Variants in PKHD1L1 observed in about 807,000 individuals in gnomAD.
The protein encoded by PKHD1L1 is PKHD1 like 1, also known as fibrocystin-L.
In PKHD1L1, 434 loss-of-function variants were observed where a neutral mutation model predicts 462.9. That is an observed-to-expected ratio of 0.94 (90% CI 0.87 to 1.02). PKHD1L1 has a LOEUF of 1.02. PKHD1L1 is among the 50% of genes least tolerant of loss of function. The pLI is 0.00. For synonymous variants in PKHD1L1, 1,781 were observed against 1,750.0 expected, an observed-to-expected ratio of 1.02 and a Z score of -0.44; for missense variants, 5,202 against 5,096.1, an observed-to-expected ratio of 1.02 and a Z score of -0.63.
At chr8:109,511,834 C>G (rs1820003919) in intron 71 of PKHD1L1, among the ~76,000 whole-genome samples, 2 of 152,260 alleles carry the variant, frequency 1.3e-5, no homozygotes, top group South Asian at 4.1e-4. Flanking sequence ...GTTCCTATTT[C>G]TCCACAACCT....
chr8:109,414,994 TA>T (rs1563751478), intron 21 of PKHD1L1, among the ~76,000 whole-genome samples: 17 of 147,532 alleles, frequency 1.2e-4, no homozygotes, highest in African/African-American at 3.7e-4. Context: ...TTATTATTAT[TA>T]TTATTATTAT....
Position 109,526,811 on chromosome 8 carries a change from TG to T in PKHD1L1, c.12514del (p.Asp4172IlefsTer6), listed in dbSNP as rs1309564524. 6.4e-7 allele frequency: 1 copy of T among 1,557,650 alleles called. No homozygotes were observed. The highest frequency in any genetic ancestry group is 2.4e-5 in the East Asian group (1 of 41,564). ...AAAAATTATAAGATTGAATTTATAC[TG>T]GATAATGTTGTTGGGGTAGAATCCA... ...TGKNYKIEFI[L>X]DNVVGVESRT... On this transcript the variant is annotated frameshift_variant, in exon 77 of 78. Transcript: ENST00000378402. LOFTEE classifies it high-confidence loss of function.
In PKHD1L1 at chr8:109,522,835, C is replaced by CACAGCCAGG. The variant is rs1268999068; in HGVS notation, c.12283_12291dup (p.Gly4095_Pro4097dup). The CACAGCCAGG allele has an allele frequency of 1.2e-6, 2 of 1,612,108 alleles. No homozygotes were observed. Among genetic ancestry groups the CACAGCCAGG allele is most frequent in the South Asian group, 2.2e-5 (2 of 90,790 alleles). On this transcript the variant is annotated inframe_insertion, in exon 75 of 78. Transcript: ENST00000378402. ...TTAGTGATCACTCAGCCGGTGGCAG[C>CACAGCCAGG]ACAGCCAGGACAGCCATTTCCTCAG...
chr8:109,439,051 T>G lies in PKHD1L1; in HGVS notation c.3915T>G (p.Asp1305Glu). ...LLPKLSPGKH[D>E]IYVEVRNWGF... ...CCAAGTTGTCTCCTGGAAAACATGA[T>G]ATCTATGTAGAAGTCAGAAACTGGG... Residue 1305 changes from aspartate to glutamate, a missense_variant, in exon 32 of 78, where the codon GAT (aspartate) becomes GAG (glutamate). By Grantham distance (45) the Asp-to-Glu change is conservative (BLOSUM62 2). Transcript: ENST00000378402. 1 of 1,613,524 alleles carries G rather than the reference T, an allele frequency of 6.2e-7. No individual in the cohort carries two copies. Among genetic ancestry groups the G allele is most frequent in the Admixed American group, 1.7e-5 (1 of 59,974 alleles).
intron 48 of PKHD1L1, among the ~76,000 whole-genome samples, chr8:109,463,842 C>A (rs1182514106): frequency 6.6e-6 from 1 of 152,126 alleles, no homozygotes; most frequent in Non-Finnish European, 1.5e-5. Flanking sequence ...ACACCTGGCA[C>A]ACATAAAACA....
chr8:109,422,998 T>A (rs1814551958), intron 23 of PKHD1L1, among the ~76,000 whole-genome samples: 2 of 152,208 alleles, frequency 1.3e-5, no homozygotes, highest in Admixed American at 6.5e-5. Flanking sequence ...TGAACTTATT[T>A]GCCACCTACA....
rs201346176 is a variant in PKHD1L1, at chr8:109,448,359, C to A, written c.5993C>A (p.Pro1998Gln). 6.2e-7 allele frequency: 1 copy of A among 1,612,360 alleles called. No individual in the cohort carries two copies. The highest frequency in any genetic ancestry group is 8.5e-7 in the Non-Finnish European group (1 of 1,179,110). Reference sequence around the variant, plus strand: ...ATGTCCACAGTTGTATTTGAGTACCCGCTTAATATTCAAAATATTAATCCA... The same window carrying A: ...ATGTCCACAGTTGTATTTGAGTACCAGCTTAATATTCAAAATATTAATCCA... The part of the protein sequence containing the change: ...SAMSTVVFEY[P>Q]LNIQNINPSQ... The change falls in exon 39 of 78, where the codon CCG becomes CAG. Residue 1998 changes from proline to glutamine, a missense_variant. By Grantham distance (76) the Pro-to-Gln change is moderately conservative. Coordinates refer to ENST00000378402, the MANE Select transcript of PKHD1L1 (RefSeq NM_177531.6).
In PKHD1L1 at chr8:109,466,470, T is replaced by C. The variant is rs2130838595; in HGVS notation, c.8414-108T>C. The C allele has an allele frequency of 3.5e-6, 4 of 1,152,958 alleles. No individual in the cohort carries two copies. The South Asian group carries it at 7.6e-5, about 22-fold the overall frequency. 71.4% of individuals were successfully genotyped at this position (1,152,958 alleles called of 1,614,324 possible). The stretch of plus-strand genomic sequence containing the variant: ...AGCAAACAAACAAAACTACCCAGAC[T>C]TTTAGACTGTATTAGTGGTACTATG... On this transcript the variant is annotated intron_variant, in intron 49 of 77. Coordinates refer to ENST00000378402, the MANE Select transcript of PKHD1L1 (RefSeq NM_177531.6).
intron 13 of PKHD1L1, among the ~76,000 whole-genome samples, chr8:109,400,756 A>G (rs914369446): frequency 5.3e-5 from 8 of 152,114 alleles, no homozygotes; most frequent in Non-Finnish European, 8.8e-5. Context: ...TTAGATAACC[A>G]TCTCCCTACT....
chr8:109,485,293 A>G, intron 58 of PKHD1L1, 120 bp downstream of exon 58: 1 of 931,654 alleles, frequency 1.1e-6, no homozygotes, highest in South Asian at 2.2e-5. Context: ...CATTTTATTC[A>G]GATTGGCAAT....
At chr8:109,456,948 CT>C (rs1338499217) in intron 46 of PKHD1L1, among the ~76,000 whole-genome samples, 2 of 152,054 alleles carry the variant, frequency 1.3e-5, no homozygotes, top group Admixed American at 1.3e-4. Flanking sequence ...TTTTAGGTGC[CT>C]GTTATTTTAA....
intron 24 of PKHD1L1, among the ~76,000 whole-genome samples, chr8:109,425,512 A>G (rs919630236): frequency 3.4e-4 from 51 of 152,104 alleles, no homozygotes; most frequent in African/African-American, 1.2e-3. Flanking sequence ...CAAAGCTAAC[A>G]TTATTTATTT....
intron 53 of PKHD1L1, 97 bp downstream of exon 53, chr8:109,477,493 C>T: frequency 8.6e-7 from 1 of 1,158,210 alleles, no homozygotes. Flanking sequence ...TTTACTCTTG[C>T]ACAATGTCTT....
chr8:109,452,637 T>C (rs1816596885), intron 42 of PKHD1L1, 81 bp from the exon 43 acceptor site: 1 of 790,786 alleles, frequency 1.3e-6, no homozygotes, highest in South Asian at 4.0e-5. Flanking sequence ...ATTTATATTG[T>C]AATAAAATGC....
At chr8:109,431,141 T>C (rs1262967986) in intron 27 of PKHD1L1, among the ~76,000 whole-genome samples, 1 of 152,144 alleles carries the variant, frequency 6.6e-6, no homozygotes, top group Admixed American at 6.5e-5. Flanking sequence ...ATAATTTTTG[T>C]ATTTTTAGTA....
chr8:109,385,222 A>G (rs1299758522), intron 5 of PKHD1L1, among the ~76,000 whole-genome samples: 1 of 148,958 alleles, frequency 6.7e-6, no homozygotes, highest in Non-Finnish European at 1.5e-5. Flanking sequence ...TTCACCTAAG[A>G]TTTCTCTTAC....
At position 109,362,611 on chromosome 8, in the gene PKHD1L1, G is replaced by T. The variant is rs764002717; in HGVS notation, c.31G>T (p.Gly11Cys). Residue 11 changes from glycine to cysteine, a missense_variant, in exon 1 of 78, where the codon GGC becomes TGC. This residue lies in a region of PKHD1L1 where 4,497 missense variants were observed against 4,336.8 expected (regional missense o/e 1.04). Coordinates refer to ENST00000378402, the MANE Select transcript of PKHD1L1 (RefSeq NM_177531.6). MGHLWLLGIW[G>C]LCGLLLCAAD... ...ACACCTGTGGCTCCTGGGTATTTGG[G>T]GCCTCTGTGGGCTGCTCCTGTGTGC... is the stretch of plus-strand genomic sequence containing the variant. 3.7e-6 allele frequency: 6 copies of T among 1,609,436 alleles called. No individual in the cohort carries two copies. The highest frequency in any genetic ancestry group is 5.1e-6 in the Non-Finnish European group (6 of 1,178,076).
chr8:109,526,237 AG>A (rs1240932211), intron 76 of PKHD1L1, among the ~76,000 whole-genome samples: 2 of 152,234 alleles, frequency 1.3e-5, no homozygotes, highest in African/African-American at 4.8e-5. Flanking sequence ...ATACAAAAAT[AG>A]CATCTAACTT....
intron 55 of PKHD1L1, among the ~76,000 whole-genome samples, chr8:109,481,186 T>A (rs1818254228): frequency 6.6e-6 from 1 of 151,920 alleles, no homozygotes; most frequent in African/African-American, 2.4e-5. Flanking sequence ...AGTTTAGGTC[T>A]TATGAAATCT....
Sources: gnomAD v4.1 joint callset for allele counts (sites outside exome capture counted in the v4.1 genomes callset) on GRCh38, gnomAD v4.1.1 for gene constraint, gnomAD v4.1.1 regional missense constraint, MANE v1.5 for transcripts, NCBI Gene and HGNC (gene_info 2026-07-23, HGNC 2026-07-21) for gene names.